The following EMID1 variants were observed in gnomAD, a reference collection of about 807,000 sequenced individuals.
EMID1 encodes the protein EMI domain-containing protein 1.
In EMID1, 40 loss-of-function variants were observed where a neutral mutation model predicts 60.6. That is an observed-to-expected ratio of 0.66 (90% CI 0.51 to 0.86). The LOEUF is 0.86. EMID1 is among the 40% of genes least tolerant of loss of function. The pLI, the probability that EMID1 is intolerant of heterozygous loss-of-function variation, is 0.00. For missense variants in EMID1, 585 were observed against 597.1 expected, an observed-to-expected ratio of 0.98 and a Z score of 0.21; for synonymous variants, 242 against 231.0, an observed-to-expected ratio of 1.05 and a Z score of -0.43.
chr22:29,234,208 C>A lies in EMID1; in HGVS notation c.1029+9C>A, dbSNP rs772845846. On this transcript the variant is annotated intron_variant, in intron 11 of 14. Coordinates refer to ENST00000334018, the MANE Select transcript of EMID1 (RefSeq NM_133455.4). The stretch of plus-strand genomic sequence containing the variant: ...GAGAGAAGGGCGAGAGAGTGAGTAC[C>A]CAGGTGGCCCCAGGTGGGGGAATTC... The A allele has an allele frequency of 6.2e-7, 1 of 1,605,762 alleles. No homozygotes were observed. Among genetic ancestry groups the A allele is most frequent in the Non-Finnish European group, 8.5e-7 (1 of 1,175,906 alleles).
In EMID1 at chr22:29,234,147, G is replaced by A. The variant is rs922942053; in HGVS notation, c.977G>A (p.Gly326Asp). The A allele has an allele frequency of 3.8e-6, 6 of 1,592,690 alleles. No individual in the cohort carries two copies. The highest frequency in any genetic ancestry group is 3.4e-6 in the Non-Finnish European group (4 of 1,169,102). The change falls in exon 11 of 15, where the codon GGC (glycine) becomes GAC (aspartate). Residue 326 changes from glycine to aspartate, a missense_variant. Coordinates refer to ENST00000334018, the MANE Select transcript of EMID1 (RefSeq NM_133455.4). ...PGSPGHIGPP[G>D]PTGPKGISGH... is the part of the protein sequence containing the mutation. Reference sequence around the variant, plus strand: ...TGTCTTGTTGCTCAGGGACCCCCAGGCCCCACTGGACCCAAAGGAATCTCT... The same window carrying A: ...TGTCTTGTTGCTCAGGGACCCCCAGACCCCACTGGACCCAAAGGAATCTCT...
At position 29,233,370 on chromosome 22, in the gene EMID1, C is replaced by T; in HGVS notation, c.824-9C>T. ...CAGCTCTACTCACTCATCATCTTTG[C>T]TCACCCAGGAGACCCATTGCTGTCC... On this transcript the variant is annotated splice_polypyrimidine_tract_variant and intron_variant, in intron 8 of 14. Coordinates refer to ENST00000334018, the MANE Select transcript of EMID1 (RefSeq NM_133455.4). 6.2e-7 allele frequency: 1 copy of T among 1,613,948 alleles called. No individual in the cohort carries two copies. Among genetic ancestry groups the T allele is most frequent in the Non-Finnish European group, 8.5e-7 (1 of 1,179,818 alleles).
chr22:29,216,273 C>G, intron 3 of EMID1: 1 of 984,176 alleles, frequency 1.0e-6, no homozygotes, highest in Non-Finnish European at 1.2e-6. Context: ...CCTGGGCCTC[C>G]CAGGAGCCTG....
chr22:29,241,241 G>A (rs1268845145), intron 12 of EMID1, among the ~76,000 whole-genome samples: 4 of 152,172 alleles, frequency 2.6e-5, no homozygotes, highest in Non-Finnish European at 2.9e-5. Flanking sequence ...TTCTGCTTTA[G>A]TAAGTTGTGA....
rs2040720338 is a variant in EMID1, at chr22:29,231,038, A to G, written c.484A>G (p.Ile162Val). The G allele has an allele frequency of 6.2e-7, 1 of 1,613,858 alleles. No individual in the cohort carries two copies. Among genetic ancestry groups the G allele is most frequent in the East Asian group, 2.2e-5 (1 of 44,856 alleles). The change falls in exon 6 of 15, where the codon ATA becomes GTA. Residue 162 changes from isoleucine (I) to valine (V), a missense_variant. Coordinates refer to ENST00000334018, the MANE Select transcript of EMID1 (RefSeq NM_133455.4). ...LEAKMTMLTV[I>V]EQPVPPTPAT... ...TCTTCAGATGACCATGCTGACTGTC[A>G]TAGAGCAGCCAGTACCTCCAACACC...
chr22:29,254,317 G>A, intron 14 of EMID1, 30 bp downstream of exon 14: 1 of 1,603,402 alleles, frequency 6.2e-7, no homozygotes, highest in Non-Finnish European at 8.5e-7. Context: ...CGGACAGACG[G>A]CCCAGCCCCT....
At chr22:29,247,110 C>T (rs1023362546) in intron 13 of EMID1, among the ~76,000 whole-genome samples, 3 of 152,040 alleles carry the variant, frequency 2.0e-5, no homozygotes, top group Non-Finnish European at 4.4e-5. Flanking sequence ...ACCTAAGTAG[C>T]TGGGACTCTG....
intron 14 of EMID1, chr22:29,255,168 C>G (rs1482707295): frequency 1.4e-6 from 1 of 722,504 alleles, no homozygotes; most frequent in Non-Finnish European, 2.2e-6. Context: ...GGCTCCTGCC[C>G]TGACGCCAGC....
intron 12 of EMID1, among the ~76,000 whole-genome samples, chr22:29,239,931 C>A (rs1368278758): frequency 1.7e-5 from 2 of 116,780 alleles, no homozygotes; most frequent in Non-Finnish European, 3.7e-5. Flanking sequence ...AGCTAATCAA[C>A]CTCCCAAGCA....
chr22:29,230,899 G>A, intron 5 of EMID1, 121 bp from the exon 6 acceptor site: 2 of 1,313,972 alleles, frequency 1.5e-6, no homozygotes, highest in Non-Finnish European at 2.0e-6. Context: ...GAGGCTGCAT[G>A]AGCCGTCATA....
intron 13 of EMID1, among the ~76,000 whole-genome samples, chr22:29,248,307 C>T (rs112122125): frequency 8.4e-6 from 1 of 119,550 alleles, no homozygotes. Context: ...TTGCTAAAAA[C>T]TAAGACACAA....
chr22:29,256,168 C>T (rs1039129876), intron 14 of EMID1, among the ~76,000 whole-genome samples: 2 of 152,070 alleles, frequency 1.3e-5, no homozygotes, highest in Non-Finnish European at 2.9e-5. Context: ...TGTCCAACCT[C>T]GCATCTATTT....
At chr22:29,226,630 C>G in intron 5 of EMID1, 79 bp downstream of exon 5, 5 of 1,448,004 alleles carry the variant, frequency 3.5e-6, no homozygotes, top group Non-Finnish European at 4.6e-6. Flanking sequence ...CCCTCCCCAC[C>G]TCCTTCCCCG....
chr22:29,232,043 T>G (rs1020243058), intron 7 of EMID1: 2 of 608,984 alleles, frequency 3.3e-6, no homozygotes, highest in Admixed American at 3.0e-5. Flanking sequence ...TTTGGGGGTT[T>G]GGGAGCCCCA....
chr22:29,219,879 C>T (rs1280700075), intron 3 of EMID1, among the ~76,000 whole-genome samples: 1 of 152,174 alleles, frequency 6.6e-6, no homozygotes, highest in Non-Finnish European at 1.5e-5. Flanking sequence ...GGGCTGGGCG[C>T]TCTCCACACT....
intron 3 of EMID1, among the ~76,000 whole-genome samples, chr22:29,220,422 C>T (rs1007990045): frequency 6.6e-6 from 1 of 152,178 alleles, no homozygotes; most frequent in Non-Finnish European, 1.5e-5. Context: ...GCTCCCAGCC[C>T]CAGCTCCGAC....
chr22:29,246,958 A>C (rs2041350442), intron 13 of EMID1, among the ~76,000 whole-genome samples: 1 of 150,918 alleles, frequency 6.6e-6, no homozygotes, highest in African/African-American at 2.4e-5. Context: ...TGGCCTCCCC[A>C]ATATTTTTGT....
intron 3 of EMID1, among the ~76,000 whole-genome samples, 195 bp from the exon 4 acceptor site, chr22:29,224,938 C>A (rs921513599): frequency 6.6e-6 from 1 of 152,224 alleles, no homozygotes; most frequent in African/African-American, 2.4e-5. Context: ...CTCTTTCCAG[C>A]CCTATCAGGT....
At chr22:29,208,300 C>A (rs2039753774) in intron 1 of EMID1, among the ~76,000 whole-genome samples, 1 of 152,140 alleles carries the variant, frequency 6.6e-6, no homozygotes, top group Non-Finnish European at 1.5e-5. Context: ...AGGGGGTGGC[C>A]TGGGAAGGCA....
Sources: allele counts gnomAD v4.1 joint callset (sites outside exome capture counted in the v4.1 genomes callset), GRCh38; gene constraint gnomAD v4.1.1; transcripts MANE v1.5; gene names NCBI Gene and HGNC (gene_info 2026-07-23, HGNC 2026-07-21).